STEAP1B: variants seen among roughly 807,000 people sequenced by gnomAD.
STEAP1B encodes the protein STEAP family member 1B.
Under a neutral mutation model 27.9 loss-of-function variants are expected in STEAP1B, and 13 were observed. The ratio of observed to expected loss-of-function variants is 0.47; its 90% confidence interval spans 0.30 to 0.74. STEAP1B has a LOEUF of 0.74. Ranked by LOEUF, STEAP1B falls within the 30% of genes least tolerant of loss-of-function variation. The pLI is 0.06. For synonymous variants in STEAP1B, 86 were observed against 107.1 expected, an observed-to-expected ratio of 0.80 and a Z score of 1.22; for missense variants, 250 against 298.7, an observed-to-expected ratio of 0.84 and a Z score of 1.20.
chr7:22,454,843 ATATATGT>A lies in STEAP1B; in HGVS notation c.763-35014_763-35008del, dbSNP rs1785548435. On this transcript the variant is annotated intron_variant, in intron 4 of 4. Transcript: ENST00000678116. ...AAGAAAATATTATATATATATATAT[ATATATGT>A]ATATATATATATATATTTTTTTTTT... Among the ~76,000 whole-genome samples, 3 of 93,412 alleles carry A rather than the reference ATATATGT, an allele frequency of 3.2e-5. No individual in the cohort carries two copies. The South Asian group carries it at 1.3e-3, about 40-fold the overall frequency. The allele number at this position is 93,412 out of a possible 152,430, so 61.3% of individuals were successfully genotyped here.
At chr7:22,462,693 C>A (rs74722784) in intron 4 of STEAP1B, among the ~76,000 whole-genome samples, 1 of 148,766 alleles carries the variant, frequency 6.7e-6, no homozygotes, top group Non-Finnish European at 1.5e-5. Context: ...AATAAACATA[C>A]GTGTGCATGT....
At chr7:22,434,907 C>T (rs949141571) in intron 4 of STEAP1B, among the ~76,000 whole-genome samples, 1 of 152,184 alleles carries the variant, frequency 6.6e-6, no homozygotes, top group East Asian at 1.9e-4. Flanking sequence ...TCAATATTCT[C>T]AGCCCAAATC....
At chr7:22,458,918 A>G (rs1324412502) in intron 4 of STEAP1B, among the ~76,000 whole-genome samples, 1 of 152,004 alleles carries the variant, frequency 6.6e-6, no homozygotes, top group African/African-American at 2.4e-5. Context: ...ACAACCACCA[A>G]TGCCTCTCCT....
chr7:22,446,003 G>A (rs145447188), intron 4 of STEAP1B, among the ~76,000 whole-genome samples: 5 of 152,260 alleles, frequency 3.3e-5, no homozygotes, highest in Non-Finnish European at 7.4e-5. Flanking sequence ...ATGAAGCATG[G>A]GCTAAGAGAT....
At chr7:22,443,578 C>T (rs1477955738) in intron 4 of STEAP1B, among the ~76,000 whole-genome samples, 2 of 152,168 alleles carry the variant, frequency 1.3e-5, no homozygotes, top group Non-Finnish European at 2.9e-5. Flanking sequence ...AATGATCATT[C>T]CAGACCACAA....
At chr7:22,478,188 C>G (rs1201094245) in intron 4 of STEAP1B, among the ~76,000 whole-genome samples, 1 of 152,222 alleles carries the variant, frequency 6.6e-6, no homozygotes, top group Non-Finnish European at 1.5e-5. Flanking sequence ...TGCTAGATAA[C>G]TGCCGCTCTT....
intron 4 of STEAP1B, among the ~76,000 whole-genome samples, chr7:22,432,846 T>C (rs922250710): frequency 3.9e-5 from 6 of 152,162 alleles, no homozygotes; most frequent in Non-Finnish European, 7.3e-5. Context: ...ACGGATTACA[T>C]AGGTAAGCAA....
chr7:22,472,847 C>A (rs967166976), intron 4 of STEAP1B, among the ~76,000 whole-genome samples: 2 of 152,096 alleles, frequency 1.3e-5, no homozygotes, highest in Non-Finnish European at 1.5e-5. Context: ...GCTATGGAGG[C>A]GGGAGATTTA....
chr7:22,471,151 G>A (rs949790144), intron 4 of STEAP1B, among the ~76,000 whole-genome samples: 1 of 152,146 alleles, frequency 6.6e-6, no homozygotes, highest in Non-Finnish European at 1.5e-5. Context: ...ACAGCTCAGG[G>A]CCCAGTGGGT....
At chr7:22,491,607 A>C (rs1187282794) in intron 4 of STEAP1B, among the ~76,000 whole-genome samples, 1 of 152,234 alleles carries the variant, frequency 6.6e-6, no homozygotes, top group African/African-American at 2.4e-5. Context: ...TGGTGAATAA[A>C]GAATGTGAAC....
intron 4 of STEAP1B, among the ~76,000 whole-genome samples, chr7:22,464,891 C>T (rs1255332587): frequency 7.4e-6 from 1 of 136,054 alleles, no homozygotes; most frequent in African/African-American, 2.6e-5. Context: ...CTTATCCTCA[C>T]AGAACATGCT....
Position 22,437,102 on chromosome 7 carries a change from G to C in STEAP1B, c.763-17266C>G, listed in dbSNP as rs964970084. Among the ~76,000 whole-genome samples the C allele has an allele frequency of 3.9e-5, 6 of 152,210 alleles. No individual in the cohort carries two copies. The East Asian group carries it at 9.6e-4, about 24-fold the overall frequency. On this transcript the variant is annotated intron_variant, in intron 4 of 4. Transcript: ENST00000678116. Reference sequence around the variant, plus strand: ...GGAGAAAATTTTTGCAAACTGTATAGCTGACAAGGTCTAATACCCAGTATC... The same window carrying C: ...GGAGAAAATTTTTGCAAACTGTATACCTGACAAGGTCTAATACCCAGTATC...
chr7:22,490,454 T>A (rs1786301987), intron 4 of STEAP1B, among the ~76,000 whole-genome samples: 1 of 152,238 alleles, frequency 6.6e-6, no homozygotes, highest in African/African-American at 2.4e-5. Context: ...ATCCATTGGT[T>A]AGATCCGTTT....
At chr7:22,421,618 C>T (rs537014519) in intron 4 of STEAP1B, among the ~76,000 whole-genome samples, 2 of 152,188 alleles carry the variant, frequency 1.3e-5, no homozygotes, top group Non-Finnish European at 2.9e-5. Context: ...TACTTTTTGG[C>T]CTCAAGGAGA....
chr7:22,458,873 G>A (rs998951211), intron 4 of STEAP1B, among the ~76,000 whole-genome samples: 6 of 151,654 alleles, frequency 4.0e-5, no homozygotes, highest in Admixed American at 2.0e-4. Context: ...GGTGTGGTAC[G>A]CTAACTTTTT....
At chr7:22,435,667 A>G (rs76534392) in intron 4 of STEAP1B, among the ~76,000 whole-genome samples, 5,100 of 152,290 alleles carry the variant, frequency 0.033, 290 homozygotes, top group African/African-American at 0.12. Flanking sequence ...ACAAGACAGT[A>G]TTCAGTAAAG....
chr7:22,425,530 T>C (rs1263460289), intron 4 of STEAP1B, among the ~76,000 whole-genome samples: 3 of 152,176 alleles, frequency 2.0e-5, no homozygotes, highest in Admixed American at 1.3e-4. Flanking sequence ...GCAAAACTGA[T>C]TGACTGAACT....
At chr7:22,453,481 G>A (rs1785523539) in intron 4 of STEAP1B, among the ~76,000 whole-genome samples, 1 of 152,140 alleles carries the variant, frequency 6.6e-6, no homozygotes, top group South Asian at 2.1e-4. Flanking sequence ...AGGACCAAGG[G>A]AATCTGTTAG....
intron 1 of STEAP1B, among the ~76,000 whole-genome samples, chr7:22,499,419 T>A (rs1351683771): frequency 6.6e-6 from 1 of 152,182 alleles, no homozygotes; most frequent in Non-Finnish European, 1.5e-5. Flanking sequence ...TTTTAAGCAT[T>A]GCTTTCCCTC....
Sources: gnomAD v4.1 joint callset for allele counts (sites outside exome capture counted in the v4.1 genomes callset) on GRCh38, gnomAD v4.1.1 for gene constraint, MANE v1.5 for transcripts, NCBI Gene and HGNC (gene_info 2026-07-23, HGNC 2026-07-21) for gene names.